SEC24B: variants seen among roughly 807,000 people sequenced by gnomAD.
SEC24B encodes protein transport protein Sec24B.
Under a neutral mutation model 142.8 loss-of-function variants are expected in SEC24B, and 45 were observed. That is an observed-to-expected ratio of 0.32 (90% confidence interval 0.25 to 0.40). SEC24B has a LOEUF of 0.40. SEC24B is among the 10% of genes least tolerant of loss of function. SEC24B has a pLI of 1.00. For synonymous variants in SEC24B, 574 were observed against 568.2 expected (o/e 1.01, Z -0.15); for missense variants, 1,409 against 1,526.8 (o/e 0.92, Z 1.29).
chr4:109,438,098 A>G (rs1046782072), intron 1 of SEC24B, among the ~76,000 whole-genome samples: 1 of 152,144 alleles, frequency 6.6e-6, no homozygotes, highest in African/African-American at 2.4e-5. Flanking sequence ...TGAAATGAAG[A>G]TTCAGAAAGG....
chr4:109,527,727 G>A (rs962966817), intron 18 of SEC24B, among the ~76,000 whole-genome samples: 15 of 151,118 alleles, frequency 9.9e-5, no homozygotes, highest in African/African-American at 2.7e-4. Context: ...AGCCGAGACC[G>A]CATCACTCCA....
chr4:109,539,538 A>C, intron 23 of SEC24B, 23 bp from the exon 24 acceptor site: 6 of 1,463,784 alleles, frequency 4.1e-6, no homozygotes, highest in Non-Finnish European at 5.8e-6. Context: ...ACGTTTAGAC[A>C]AATGCCCTTT....
intron 1 of SEC24B, among the ~76,000 whole-genome samples, chr4:109,458,034 A>G (rs1730869138): frequency 6.6e-6 from 1 of 152,014 alleles, no homozygotes; most frequent in African/African-American, 2.4e-5. Flanking sequence ...GATTATTACA[A>G]GTGTTAGACT....
At chr4:109,493,717 C>T (rs536685526) in intron 5 of SEC24B, among the ~76,000 whole-genome samples, 1 of 151,850 alleles carries the variant, frequency 6.6e-6, no homozygotes, top group East Asian at 1.9e-4. Flanking sequence ...CAGCCTCAGC[C>T]TCCTGAGTAG....
At chr4:109,467,106 C>T (rs1484507621) in intron 2 of SEC24B, among the ~76,000 whole-genome samples, 1 of 151,732 alleles carries the variant, frequency 6.6e-6, no homozygotes, top group African/African-American at 2.4e-5. Context: ...GCGGGCGGAT[C>T]ACGAGGTCAG....
chr4:109,445,242 GT>G (rs70949078), intron 1 of SEC24B, among the ~76,000 whole-genome samples: 15,761 of 112,542 alleles, frequency 0.14, 725 homozygotes, highest in Middle Eastern at 0.2. Flanking sequence ...TTCTTTCTTT[GT>G]TTTTTTTTTT....
chr4:109,463,596 AAC>A lies in SEC24B; in HGVS notation c.830_831del (p.Asn277ThrfsTer61), dbSNP rs1395588309. The A allele has an allele frequency of 6.2e-7, 1 of 1,614,182 alleles. No homozygotes were observed. The highest frequency in any genetic ancestry group is 1.7e-5 in the Admixed American group (1 of 60,030). On this transcript the variant is annotated frameshift_variant, in exon 2 of 24. Transcript: ENST00000265175. LOFTEE classifies it high-confidence loss of function. The part of the protein sequence containing the change: ...LPSTQDNLIR[N>X]HTGSLAVANN... ...ATCGACTCAAGACAATCTCATCCGA[AAC>A]CACACAGGATCCCTGGCTGTAGCGA...
In SEC24B at chr4:109,506,549, A is replaced by G. The variant is rs778259386; in HGVS notation, c.1673+37A>G. The G allele has an allele frequency of 1.8e-5, 24 of 1,312,242 alleles. No individual in the cohort carries two copies. In the Middle Eastern group the frequency reaches 8.0e-4, roughly 44 times the overall value. The allele number at this position is 1,312,242 out of a possible 1,614,324, so 81.3% of individuals were successfully genotyped here. On this transcript the variant is annotated intron_variant, in intron 7 of 23. Transcript: ENST00000265175. ...TTTATTTTATAATCTTTCTTAAGTG[A>G]TGAAAACATTGTATGACTTTCAAAA...
At chr4:109,497,069 G>A (rs1026812944) in intron 6 of SEC24B, among the ~76,000 whole-genome samples, 8 of 152,218 alleles carry the variant, frequency 5.3e-5, no homozygotes, top group African/African-American at 1.9e-4. Flanking sequence ...CCCACTGCCT[G>A]TTTGTAAATA....
intron 1 of SEC24B, among the ~76,000 whole-genome samples, chr4:109,443,105 C>T (rs1729089440): frequency 1.3e-5 from 2 of 152,172 alleles, no homozygotes; most frequent in African/African-American, 4.8e-5. Context: ...CCCCTTTTCC[C>T]TCAAATTCTC....
At chr4:109,522,997 G>A (rs1036722057) in intron 14 of SEC24B, among the ~76,000 whole-genome samples, 14 of 152,214 alleles carry the variant, frequency 9.2e-5, no homozygotes, top group South Asian at 2.1e-4. Flanking sequence ...GCCCTGCAAA[G>A]TGCTGGGATT....
rs566036261 is a variant in SEC24B at position 109,513,925 on chromosome 4, T to C, written c.2013+69T>C. 1.0e-5 allele frequency: 10 copies of C among 996,432 alleles called. No homozygotes were observed. The Admixed American group carries it at 1.6e-4, about 16-fold the overall frequency. 61.7% of individuals were successfully genotyped at this position (996,432 alleles called of 1,614,324 possible). The stretch of plus-strand genomic sequence containing the variant: ...TGGTCATTTGTAATTTTCTGTTAAG[T>C]GAACTCTTATCGAGATTTTGAAGTT... On this transcript the variant is annotated intron_variant, in intron 10 of 23. Coordinates refer to ENST00000265175, the MANE Select transcript of SEC24B (RefSeq NM_006323.5).
chr4:109,490,966 G>C (rs1189844580), intron 4 of SEC24B, among the ~76,000 whole-genome samples: 1 of 152,020 alleles, frequency 6.6e-6, no homozygotes, highest in African/African-American at 2.4e-5. Flanking sequence ...ATATTTAGTA[G>C]TATATTTGGT....
chr4:109,458,314 T>C (rs2125923561), intron 1 of SEC24B, among the ~76,000 whole-genome samples: 1 of 152,356 alleles, frequency 6.6e-6, no homozygotes, highest in Non-Finnish European at 1.5e-5. Context: ...GGAATATATT[T>C]TCTTTTCATT....
At chr4:109,505,518 A>G (rs1257508975) in intron 6 of SEC24B, among the ~76,000 whole-genome samples, 4 of 152,152 alleles carry the variant, frequency 2.6e-5, no homozygotes, top group Admixed American at 2.0e-4. Flanking sequence ...TTAAATTTGT[A>G]TTGGAACTGT....
chr4:109,482,829 G>A (rs1278017862), intron 4 of SEC24B, among the ~76,000 whole-genome samples: 3 of 145,690 alleles, frequency 2.1e-5, no homozygotes, highest in East Asian at 2.1e-4. Context: ...ATGGGGTTTC[G>A]CCATGTTGCC....
In SEC24B at chr4:109,481,894, A is replaced by G. The variant is rs1275431346; in HGVS notation, c.1165+113A>G. The G allele has an allele frequency of 5.5e-6, 4 of 724,710 alleles. No homozygotes were observed. The East Asian group carries it at 7.5e-5, about 14-fold the overall frequency. 44.9% of individuals were successfully genotyped at this position (724,710 alleles called of 1,614,324 possible). Reference sequence around the variant, plus strand: ...GAGTCTTTGAAGATTTAGCATGATGAACTTACGAGGTTTGCATTATAGAAG... The same window carrying G: ...GAGTCTTTGAAGATTTAGCATGATGGACTTACGAGGTTTGCATTATAGAAG... On this transcript the variant is annotated intron_variant, in intron 4 of 23. Transcript: ENST00000265175.
chr4:109,441,523 C>T (rs1455974085), intron 1 of SEC24B, among the ~76,000 whole-genome samples: 1 of 152,166 alleles, frequency 6.6e-6, no homozygotes, highest in Non-Finnish European at 1.5e-5. Flanking sequence ...CTTGACCTCC[C>T]CGGGTTAAGG....
chr4:109,472,369 G>T (rs1370994013), intron 2 of SEC24B, among the ~76,000 whole-genome samples: 1 of 152,114 alleles, frequency 6.6e-6, no homozygotes, highest in Non-Finnish European at 1.5e-5. Context: ...GAGACATTTG[G>T]TATTTTGAGC....
Sources: allele counts gnomAD v4.1 joint callset (sites outside exome capture counted in the v4.1 genomes callset), GRCh38; gene constraint gnomAD v4.1.1; transcripts MANE v1.5; gene names NCBI Gene and HGNC (gene_info 2026-07-23, HGNC 2026-07-21).